Variants in PTPRD observed in about 807,000 individuals in gnomAD.
PTPRD encodes protein tyrosine phosphatase receptor type D, also known as receptor-type tyrosine-protein phosphatase delta.
In PTPRD, 34 loss-of-function variants were observed where a neutral mutation model predicts 214.5. That is an observed-to-expected ratio of 0.16 (90% confidence interval 0.12 to 0.21). The LOEUF is 0.21. Among genes scored for constraint, PTPRD ranks in the 10% least tolerant of loss-of-function variants. The pLI is 1.00. For synonymous variants in PTPRD, 1,128 were observed against 845.7 expected, an observed-to-expected ratio of 1.33 and a Z score of -5.79; for missense variants, 2,545 against 2,398.7, an observed-to-expected ratio of 1.06 and a Z score of -1.27.
chr9:10,167,596 T>A (rs1422307971), intron 3 of PTPRD, among the ~76,000 whole-genome samples: 1 of 152,176 alleles, frequency 6.6e-6, no homozygotes, highest in East Asian at 1.9e-4. Context: ...AATATCTTAT[T>A]AGAAGTGGAT....
intron 3 of PTPRD, among the ~76,000 whole-genome samples, chr9:10,316,153 A>ATC (rs2096418646): frequency 7.1e-6 from 1 of 141,454 alleles, no homozygotes; most frequent in African/African-American, 2.7e-5. Context: ...ACATATGTAT[A>ATC]TATGTATATC....
chr9:10,551,713 T>C (rs1446428708), intron 2 of PTPRD, among the ~76,000 whole-genome samples: 1 of 152,186 alleles, frequency 6.6e-6, no homozygotes, highest in African/African-American at 2.4e-5. Flanking sequence ...CTATGGCATT[T>C]TGCTACAGTA....
chr9:8,786,719 A>C (rs1456638708), intron 11 of PTPRD, among the ~76,000 whole-genome samples: 3 of 147,556 alleles, frequency 2.0e-5, no homozygotes, highest in Admixed American at 1.4e-4. Context: ...CCAGTCAAAC[A>C]TTTGGAGTTT....
intron 9 of PTPRD, among the ~76,000 whole-genome samples, chr9:9,256,463 T>C (rs2099977740): frequency 6.6e-6 from 1 of 151,892 alleles, no homozygotes; most frequent in Non-Finnish European, 1.5e-5. Context: ...GATTTGAATG[T>C]TCTTGCCTAA....
chr9:9,437,479 G>A (rs774475840), intron 8 of PTPRD, among the ~76,000 whole-genome samples: 10 of 151,966 alleles, frequency 6.6e-5, no homozygotes, highest in Non-Finnish European at 1.3e-4. Flanking sequence ...GTCTGAGACT[G>A]TTGCGATTTT....
intron 3 of PTPRD, among the ~76,000 whole-genome samples, chr9:10,248,707 T>G (rs1303042973): frequency 6.6e-6 from 1 of 152,044 alleles, no homozygotes; most frequent in Non-Finnish European, 1.5e-5. Context: ...TAGAATACAC[T>G]TTTGGACGTG....
intron 10 of PTPRD, among the ~76,000 whole-genome samples, chr9:9,089,723 T>C (rs554220738): frequency 6.6e-6 from 1 of 152,088 alleles, no homozygotes; most frequent in South Asian, 2.1e-4. Flanking sequence ...GAACGAAGGG[T>C]TGGTGTAGAA....
chr9:10,217,209 A>G (rs1299458507), intron 3 of PTPRD, among the ~76,000 whole-genome samples: 1 of 151,786 alleles, frequency 6.6e-6, no homozygotes, highest in Non-Finnish European at 1.5e-5. Flanking sequence ...TAAATGATTT[A>G]GATTTAAGTT....
chr9:9,452,869 G>T (rs1312200524), intron 8 of PTPRD, among the ~76,000 whole-genome samples: 1 of 151,380 alleles, frequency 6.6e-6, no homozygotes, highest in African/African-American at 2.4e-5. Context: ...AATTTTATTT[G>T]CTCAAGCTCT....
At chr9:8,700,984 A>C (rs1396224133) in intron 12 of PTPRD, 1 of 151,518 alleles carries the variant, frequency 6.6e-6, no homozygotes, top group Admixed American at 6.6e-5. Flanking sequence ...AACATGGTGA[A>C]TCCCCGTCTC....
intron 7 of PTPRD, among the ~76,000 whole-genome samples, chr9:9,717,872 T>A (rs944095849): frequency 1.3e-5 from 2 of 152,032 alleles, no homozygotes; most frequent in Non-Finnish European, 2.9e-5. Context: ...GGGCAAAAAA[T>A]ATATATTATT....
chr9:9,573,551 T>C (rs150086719), intron 8 of PTPRD, among the ~76,000 whole-genome samples: 3 of 151,908 alleles, frequency 2.0e-5, no homozygotes, highest in African/African-American at 4.8e-5. Context: ...GAGATAATAG[T>C]AATTTTTAGA....
rs528791297 is a variant in PTPRD at position 10,209,683 on chromosome 9, G to A, written c.-545+131280C>T. 1.6e-4 allele frequency among the ~76,000 whole-genome samples: 24 copies of A among 151,066 alleles called. No individual in the cohort carries two copies. In the South Asian group the frequency reaches 4.0e-3, roughly 25 times the overall value. The stretch of plus-strand genomic sequence containing the variant: ...ATTGGTACACAGGGCCTTTGATCTC[G>A]TATTTTTCAATATTCTACTTATCTC... On this transcript the variant is annotated intron_variant, in intron 3 of 45. Transcript: ENST00000381196.
At chr9:10,612,219 A>AAAG (rs1352229372) in intron 2 of PTPRD, among the ~76,000 whole-genome samples, 179 bp downstream of exon 2, 3 of 151,534 alleles carry the variant, frequency 2.0e-5, no homozygotes, top group Admixed American at 6.6e-5. Context: ...AAAAAAAAAA[A>AAAG]AAAAAGAAAA....
At chr9:9,333,774 A>G (rs1256566397) in intron 9 of PTPRD, among the ~76,000 whole-genome samples, 1 of 151,814 alleles carries the variant, frequency 6.6e-6, no homozygotes, top group Non-Finnish European at 1.5e-5. Context: ...AAAATTAGCT[A>G]AAGGAAAACA....
chr9:9,158,493 A>C (rs1172643221), intron 10 of PTPRD, among the ~76,000 whole-genome samples: 1 of 151,982 alleles, frequency 6.6e-6, no homozygotes, highest in African/African-American at 2.4e-5. Flanking sequence ...CCAGCTTCTC[A>C]GGAGGCTGAG....
chr9:10,384,498 T>C (rs892056011), intron 2 of PTPRD, among the ~76,000 whole-genome samples: 1 of 151,718 alleles, frequency 6.6e-6, no homozygotes, highest in Non-Finnish European at 1.5e-5. Context: ...CAAAAATATA[T>C]TGAAGTACAA....
At chr9:8,402,213 T>C (rs2092481282) in intron 36 of PTPRD, among the ~76,000 whole-genome samples, 1 of 152,194 alleles carries the variant, frequency 6.6e-6, no homozygotes, top group Non-Finnish European at 1.5e-5. Flanking sequence ...ACATGTTAGG[T>C]CAGCTCTAGA....
chr9:9,294,631 G>A (rs752032958), intron 9 of PTPRD, among the ~76,000 whole-genome samples: 2 of 151,620 alleles, frequency 1.3e-5, no homozygotes, highest in Admixed American at 6.6e-5. Flanking sequence ...AGAGGTCAAC[G>A]TTAACTCATA....
Sources: allele counts gnomAD v4.1 joint callset (sites outside exome capture counted in the v4.1 genomes callset), GRCh38; gene constraint gnomAD v4.1.1; transcripts MANE v1.5; gene names NCBI Gene and HGNC (gene_info 2026-07-23, HGNC 2026-07-21).